Variants in MYT1L observed in about 807,000 individuals in gnomAD.
MYT1L encodes myelin transcription factor 1 like.
A neutral mutation model predicts 126.7 loss-of-function variants in MYT1L; 12 were observed. That is an observed-to-expected ratio of 0.09 (90% CI 0.06 to 0.15). The LOEUF (loss-of-function observed/expected upper bound fraction) is 0.15, where lower values mean the gene tolerates loss of function less well. MYT1L is among the 10% of genes least tolerant of loss of function. MYT1L has a pLI of 1.00. For missense variants in MYT1L, 979 were observed against 1,585.2 expected, an observed-to-expected ratio of 0.62 and a Z score of 6.49; for synonymous variants, 541 against 604.2, an observed-to-expected ratio of 0.90 and a Z score of 1.53.
At position 1,910,242 on chromosome 2, in the gene MYT1L, G is replaced by C; in HGVS notation, c.1815C>G (p.Leu605=). ...SKSSQASDRV[L]RPMCFVKQLE... ...GATGGTGCACTCCTGCTGGGTACCT[G>C]AGCACGCGGTCCGAGGCCTGGCTGG... Residue 605 remains leucine, a splice_region_variant and synonymous_variant, in exon 13 of 25, where the codon CTC becomes CTG. Coordinates refer to ENST00000647738, the MANE Select transcript of MYT1L (RefSeq NM_001303052.2). This position sits in a 1 kb window ranked among gnomAD's most constrained non-coding sequence, Gnocchi z 4.8. The C allele has an allele frequency of 6.2e-7, 1 of 1,612,740 alleles. No individual in the cohort carries two copies. Among genetic ancestry groups the C allele is most frequent in the Non-Finnish European group, 8.5e-7 (1 of 1,179,804 alleles).
chr2:2,183,769 GAGGAAGGA>G (rs1166356870), intron 2 of MYT1L, among the ~76,000 whole-genome samples: 1 of 139,082 alleles, frequency 7.2e-6, no homozygotes, highest in Non-Finnish European at 1.6e-5. Flanking sequence ...GAAGGAGGGA[GAGGAAGGA>G]AGGAAGGAGA....
chr2:1,928,344 G>C (rs1029169162), intron 9 of MYT1L, among the ~76,000 whole-genome samples: 1 of 152,198 alleles, frequency 6.6e-6, no homozygotes, highest in Non-Finnish European at 1.5e-5. Flanking sequence ...GACCCTATGA[G>C]AGGCACTGGG....
chr2:1,789,396 GAAC>G lies in MYT1L; in HGVS notation c.*2468_*2470del, dbSNP rs1262381086. 1 of 152,072 alleles carries G rather than the reference GAAC, an allele frequency of 6.6e-6. No homozygotes were observed. The allele number at this position is 152,072 out of a possible 1,614,324, so 9.4% of individuals were successfully genotyped here. On this transcript the variant is annotated 3_prime_UTR_variant, in exon 25 of 25. Coordinates refer to ENST00000647738, the MANE Select transcript of MYT1L (RefSeq NM_001303052.2). Reference sequence around the variant, plus strand: ...CTTAAATTAACTTAGAAATGAATATGAACAATAAGTTATAATAAACTCTGATGA... The same window carrying G: ...CTTAAATTAACTTAGAAATGAATATGAATAAGTTATAATAAACTCTGATGA...
chr2:1,871,894 C>T (rs566144937), intron 18 of MYT1L, among the ~76,000 whole-genome samples: 39 of 152,270 alleles, frequency 2.6e-4, no homozygotes, highest in African/African-American at 8.9e-4. Context: ...ACCATCCAAG[C>T]TGAAGCTGCA....
In MYT1L at chr2:1,929,571, T is replaced by C. The variant is rs2054683546; in HGVS notation, c.506-6308A>G. Among the ~76,000 whole-genome samples the C allele has an allele frequency of 6.6e-6, 1 of 152,186 alleles. No individual in the cohort carries two copies. The highest frequency in any genetic ancestry group is 2.1e-4 in the South Asian group (1 of 4,834). Reference sequence around the variant, plus strand: ...GCTTCTGTGTGTCTTATTTCCAGTATCATAGGAAATTTTCAGAATAGTCTG... The same window carrying C: ...GCTTCTGTGTGTCTTATTTCCAGTACCATAGGAAATTTTCAGAATAGTCTG... On this transcript the variant is annotated intron_variant, in intron 9 of 24. Transcript: ENST00000647738. The surrounding 1 kb of genome is among the most constrained non-coding windows in gnomAD (Gnocchi z 4.7).
At chr2:2,075,912 C>T (rs147165570) in intron 3 of MYT1L, among the ~76,000 whole-genome samples, 111 of 152,300 alleles carry the variant, frequency 7.3e-4, no homozygotes, top group African/African-American at 2.2e-3. Context: ...GGCTAAAAGC[C>T]GGTGACATTG....
At chr2:1,845,590 C>T (rs1435580881) in intron 19 of MYT1L, among the ~76,000 whole-genome samples, 1 of 152,106 alleles carries the variant, frequency 6.6e-6, no homozygotes. Flanking sequence ...CATTGCTGCT[C>T]TCCTCACCTG....
intron 8 of MYT1L, among the ~76,000 whole-genome samples, chr2:1,976,117 AC>A (rs1313849716): frequency 1.6e-5 from 2 of 125,264 alleles, no homozygotes; most frequent in Non-Finnish European, 3.3e-5. Flanking sequence ...TTGTTAAAAG[AC>A]CAAAAAAAAA....
At chr2:2,078,747 C>T (rs2075490644) in intron 3 of MYT1L, among the ~76,000 whole-genome samples, 1 of 152,188 alleles carries the variant, frequency 6.6e-6, no homozygotes, top group Admixed American at 6.5e-5. Context: ...ACATCAATAT[C>T]CCACATTCCT....
intron 3 of MYT1L, among the ~76,000 whole-genome samples, chr2:2,148,921 A>G (rs977256305): frequency 6.6e-6 from 1 of 152,126 alleles, no homozygotes; most frequent in Non-Finnish European, 1.5e-5. Context: ...GTGAACTCAC[A>G]GTCCTGTAAG....
chr2:2,192,439 G>C (rs1049098798), intron 2 of MYT1L, among the ~76,000 whole-genome samples: 32 of 149,354 alleles, frequency 2.1e-4, no homozygotes, highest in Non-Finnish European at 4.3e-4. Flanking sequence ...TTTTCATATA[G>C]GATGATGCTT....
chr2:1,940,825 G>A (rs909062480), intron 9 of MYT1L, among the ~76,000 whole-genome samples: 2 of 152,278 alleles, frequency 1.3e-5, no homozygotes, highest in South Asian at 2.1e-4. Context: ...CCTGTCTTCC[G>A]TGCTCTGGAC....
At chr2:2,317,244 G>A (rs2096081205) in intron 1 of MYT1L, among the ~76,000 whole-genome samples, 1 of 152,230 alleles carries the variant, frequency 6.6e-6, no homozygotes, top group South Asian at 2.1e-4. Flanking sequence ...AAATACTCAG[G>A]TTCCTGGTGT....
chr2:1,890,553 T>G (rs1006332431), intron 15 of MYT1L, among the ~76,000 whole-genome samples: 1 of 152,144 alleles, frequency 6.6e-6, no homozygotes, highest in Non-Finnish European at 1.5e-5. Context: ...GCTCTTTCAT[T>G]TTTTAAATGA....
chr2:2,092,836 A>G (rs1276810135), intron 3 of MYT1L, among the ~76,000 whole-genome samples: 1 of 152,208 alleles, frequency 6.6e-6, no homozygotes, highest in African/African-American at 2.4e-5. Flanking sequence ...TGACACACAG[A>G]GCAGTAACCA....
intron 3 of MYT1L, among the ~76,000 whole-genome samples, chr2:2,158,469 A>G (rs898211023): frequency 6.6e-6 from 1 of 152,154 alleles, no homozygotes; most frequent in Non-Finnish European, 1.5e-5. Context: ...GCACCATGAG[A>G]TCGCTCCTTT....
chr2:2,170,583 G>A (rs114667204), intron 3 of MYT1L, among the ~76,000 whole-genome samples: 119 of 152,310 alleles, frequency 7.8e-4, no homozygotes, highest in African/African-American at 2.7e-3. Flanking sequence ...AGCTTATTAT[G>A]TGAAGATGTA....
At chr2:2,025,001 C>T (rs932030691) in intron 4 of MYT1L, among the ~76,000 whole-genome samples, 3 of 152,242 alleles carry the variant, frequency 2.0e-5, no homozygotes, top group Non-Finnish European at 2.9e-5. Flanking sequence ...ACTGGGCTCC[C>T]GTGGGTCTGT....
chr2:1,883,734 C>T (rs750741779), intron 18 of MYT1L: 2 of 152,154 alleles, frequency 1.3e-5, no homozygotes, highest in Non-Finnish European at 2.9e-5. Context: ...GCTTTCGGAA[C>T]TGGGTGTCCC....
Sources: allele counts gnomAD v4.1 joint callset (sites outside exome capture counted in the v4.1 genomes callset), GRCh38; gene constraint gnomAD v4.1.1; non-coding constraint Gnocchi (gnomAD v3.1); transcripts MANE v1.5; gene names NCBI Gene and HGNC (gene_info 2026-07-23, HGNC 2026-07-21).